METTL15: variants seen among roughly 807,000 people sequenced by gnomAD.
The protein encoded by METTL15 is 12S rRNA N(4)-cytidine methyltransferase METTL15.
Under a neutral mutation model 38.3 loss-of-function variants are expected in METTL15, and 34 were observed. The ratio of observed to expected loss-of-function variants is 0.89; its 90% CI spans 0.68 to 1.18. METTL15 has a LOEUF of 1.18. Ranked by LOEUF, METTL15 falls within the 50% of genes most tolerant of loss-of-function variation. The probability of loss-of-function intolerance (pLI) is 0.00; values close to 1 mark genes in which losing one functional copy is unlikely to be tolerated. For missense variants in METTL15, 438 were observed against 498.4 expected (o/e 0.88, Z 1.15); for synonymous variants, 162 against 170.9 (o/e 0.95, Z 0.41).
At chr11:28,467,472 G>A (rs1851266741) in intron 6 of METTL15, among the ~76,000 whole-genome samples, 2 of 152,168 alleles carry the variant, frequency 1.3e-5, no homozygotes, top group African/African-American at 2.4e-5. Flanking sequence ...TCCCTCCAGT[G>A]CAGCTACTGC....
intron 6 of METTL15, among the ~76,000 whole-genome samples, chr11:28,524,866 C>T (rs529468802): frequency 2.0e-5 from 3 of 152,182 alleles, no homozygotes; most frequent in African/African-American, 4.8e-5. Context: ...CGCGGACCCT[C>T]GCAGTGAGTG....
At chr11:28,163,257 G>T (rs1850535933) in intron 3 of METTL15, 1 of 395,938 alleles carries the variant, frequency 2.5e-6, no homozygotes, top group Non-Finnish European at 4.5e-6. Flanking sequence ...TGATTAATTT[G>T]TTGATTTGTG....
chr11:28,432,081 T>C (rs1486301906), intron 6 of METTL15, among the ~76,000 whole-genome samples: 1 of 152,166 alleles, frequency 6.6e-6, no homozygotes, highest in Non-Finnish European at 1.5e-5. Flanking sequence ...TTCTGTGACT[T>C]GGACTCCATC....
chr11:28,363,014 C>A (rs956675498), intron 5 of METTL15, among the ~76,000 whole-genome samples: 1 of 152,170 alleles, frequency 6.6e-6, no homozygotes, highest in Non-Finnish European at 1.5e-5. Flanking sequence ...GCTTTACCAA[C>A]ATCTATTGTT....
At chr11:28,242,158 T>C (rs907949578) in intron 4 of METTL15, among the ~76,000 whole-genome samples, 1 of 152,236 alleles carries the variant, frequency 6.6e-6, no homozygotes, top group African/African-American at 2.4e-5. Flanking sequence ...GGTATTTGTA[T>C]AGAAGAAGTA....
At chr11:28,154,049 C>G (rs1362014472) in intron 3 of METTL15, among the ~76,000 whole-genome samples, 4 of 151,946 alleles carry the variant, frequency 2.6e-5, no homozygotes, top group African/African-American at 9.7e-5. Flanking sequence ...GGGTTCTTAC[C>G]TGATTTTTCT....
intron 4 of METTL15, among the ~76,000 whole-genome samples, chr11:28,229,514 C>A (rs918820670): frequency 2.6e-5 from 4 of 151,876 alleles, no homozygotes; most frequent in African/African-American, 9.7e-5. Context: ...AGAAATGAGA[C>A]CTTTGGGGAA....
chr11:28,125,464 T>C (rs1431396148), intron 3 of METTL15: 2 of 152,046 alleles, frequency 1.3e-5, no homozygotes, highest in Admixed American at 1.3e-4. Context: ...GATAAACGAG[T>C]ATCCATCCAA....
At chr11:28,380,489 A>C (rs1188231960) in intron 5 of METTL15, among the ~76,000 whole-genome samples, 1 of 152,114 alleles carries the variant, frequency 6.6e-6, no homozygotes, top group Admixed American at 6.5e-5. Context: ...ATTACTGATA[A>C]TTAATAATTT....
At chr11:28,214,802 C>T (rs915327583) in intron 4 of METTL15, among the ~76,000 whole-genome samples, 1 of 152,090 alleles carries the variant, frequency 6.6e-6, no homozygotes, top group Admixed American at 6.6e-5. Context: ...TAGTTAAAAA[C>T]TCCAAATACT....
intron 4 of METTL15, among the ~76,000 whole-genome samples, chr11:28,232,275 A>G (rs1450578615): frequency 6.6e-6 from 1 of 151,898 alleles, no homozygotes; most frequent in Non-Finnish European, 1.5e-5. Context: ...ACTAGCTTTT[A>G]CTATGGAGAA....
chr11:28,497,801 G>A (rs1030802654), intron 6 of METTL15, among the ~76,000 whole-genome samples: 5 of 152,100 alleles, frequency 3.3e-5, no homozygotes, highest in African/African-American at 1.2e-4. Flanking sequence ...ACTCACACCT[G>A]TAATCCCAGC....
intron 6 of METTL15, among the ~76,000 whole-genome samples, chr11:28,493,191 C>A (rs1237644420): frequency 6.6e-6 from 1 of 152,016 alleles, no homozygotes; most frequent in African/African-American, 2.4e-5. Context: ...TCTTAACATC[C>A]AATGCAAAGG....
chr11:28,453,549 A>G (rs1402952142), intron 6 of METTL15, among the ~76,000 whole-genome samples: 2 of 152,232 alleles, frequency 1.3e-5, no homozygotes, highest in Admixed American at 6.5e-5. Flanking sequence ...AGGATGTGGT[A>G]TTACTTTAGA....
intron 5 of METTL15, among the ~76,000 whole-genome samples, chr11:28,294,305 A>G (rs185190311): frequency 6.6e-6 from 1 of 152,154 alleles, no homozygotes; most frequent in East Asian, 1.9e-4. Context: ...AACATGTGCA[A>G]TGCTAATCCA....
At chr11:28,280,596 CCATT>C (rs1297743728) in intron 4 of METTL15, among the ~76,000 whole-genome samples, 1 of 149,652 alleles carries the variant, frequency 6.7e-6, no homozygotes, top group Non-Finnish European at 1.5e-5. Flanking sequence ...TGCTTTTACT[CCATT>C]CTTTCTTTCC....
intron 3 of METTL15, among the ~76,000 whole-genome samples, chr11:28,117,273 A>G (rs768555855): frequency 0.59 from 70,122 of 118,626 alleles, 21,196 homozygotes; most frequent in Admixed American, 0.7. Flanking sequence ...ATATATATAT[A>G]TATATATATA....
chr11:28,377,982 A>G lies in METTL15; in HGVS notation c.*358+15946A>G, dbSNP rs182618266. Among the ~76,000 whole-genome samples, 496 of 152,238 alleles carry G rather than the reference A, an allele frequency of 3.3e-3. 17 individuals carry two copies. In the East Asian group the frequency reaches 0.091, roughly 28 times the overall value. The stretch of plus-strand genomic sequence containing the variant: ...TTAGGCTGCTCGGGGGTCAGGGGTC[A>G]GGGACCCACTTGAGGAAGCAGTCTG... On this transcript the variant is annotated intron_variant and NMD_transcript_variant, in intron 5 of 7. Transcript: ENST00000532947.
chr11:28,446,288 C>T (rs1851074471), intron 6 of METTL15, among the ~76,000 whole-genome samples: 1 of 152,074 alleles, frequency 6.6e-6, no homozygotes, highest in South Asian at 2.1e-4. Flanking sequence ...CATTTCTACT[C>T]TTCTAGATGT....
Sources: allele counts gnomAD v4.1 joint callset (sites outside exome capture counted in the v4.1 genomes callset), GRCh38; gene constraint gnomAD v4.1.1; transcripts MANE v1.5; gene names NCBI Gene and HGNC (gene_info 2026-07-23, HGNC 2026-07-21).